SPAG1: variants seen among roughly 807,000 people sequenced by gnomAD.
The protein encoded by SPAG1 is sperm associated antigen 1.
A neutral mutation model predicts 100.5 loss-of-function variants in SPAG1; 69 were observed. The observed-to-expected ratio is 0.69, with a 90% CI of 0.57 to 0.84. The LOEUF (loss-of-function observed/expected upper bound fraction) is 0.84. Ranked by LOEUF, SPAG1 falls within the 40% of genes least tolerant of loss-of-function variation. The pLI is 0.00. For synonymous variants in SPAG1, 336 were observed against 411.6 expected (o/e 0.82, Z 2.22); for missense variants, 955 against 1,133.1 (o/e 0.84, Z 2.26).
chr8:100,170,845 A>ATTTATTTATTTT (rs1554649520), intron 3 of SPAG1, among the ~76,000 whole-genome samples: 14 of 131,284 alleles, frequency 1.1e-4, no homozygotes, highest in African/African-American at 4.4e-4. Flanking sequence ...TTATTTATTT[A>ATTTATTTATTTT]TTTATTTTTT....
chr8:100,220,497 C>A, intron 13 of SPAG1, 66 bp downstream of exon 13: 1 of 1,320,356 alleles, frequency 7.6e-7, no homozygotes, highest in Non-Finnish European at 1.0e-6. Flanking sequence ...TCCCCTCCTT[C>A]AAGAACATGT....
At chr8:100,234,417 T>C (rs1439652625) in intron 16 of SPAG1, among the ~76,000 whole-genome samples, 3 of 152,148 alleles carry the variant, frequency 2.0e-5, no homozygotes, top group Non-Finnish European at 4.4e-5. Flanking sequence ...GTACAATAAA[T>C]CTTCCTCCCT....
chr8:100,233,223 G>A, intron 15 of SPAG1, 188 bp from the exon 16 acceptor site: 1 of 564,446 alleles, frequency 1.8e-6, no homozygotes, highest in Non-Finnish European at 3.2e-6. Flanking sequence ...CTTGAGGGCT[G>A]TGACTGTATT....
intron 10 of SPAG1, chr8:100,194,545 C>T: frequency 3.8e-6 from 2 of 527,336 alleles, no homozygotes; most frequent in Non-Finnish European, 6.6e-6. Context: ...TTGACACAGA[C>T]CATTTGCCAG....
chr8:100,230,683 G>T (rs1231380329), intron 14 of SPAG1, among the ~76,000 whole-genome samples: 1 of 152,188 alleles, frequency 6.6e-6, no homozygotes, highest in Non-Finnish European at 1.5e-5. Flanking sequence ...GAGTGCAACG[G>T]CATGATCTTG....
chr8:100,236,867 G>A (rs1819030042), intron 16 of SPAG1, among the ~76,000 whole-genome samples: 2 of 152,054 alleles, frequency 1.3e-5, no homozygotes, highest in Non-Finnish European at 2.9e-5. Flanking sequence ...TGCTGTAGAG[G>A]ATGATACATA....
chr8:100,168,676 T>C (rs565167472), intron 3 of SPAG1, among the ~76,000 whole-genome samples: 9 of 149,264 alleles, frequency 6.0e-5, no homozygotes, highest in Non-Finnish European at 1.2e-4. Flanking sequence ...TGAGCCACCA[T>C]GCCCAGCCAT....
intron 3 of SPAG1, among the ~76,000 whole-genome samples, chr8:100,172,051 C>G (rs1264119825): frequency 6.6e-6 from 1 of 152,004 alleles, no homozygotes; most frequent in Admixed American, 6.6e-5. Flanking sequence ...CGTGCCACCG[C>G]GCCCAGCTAA....
chr8:100,177,731 A>G (rs1816189573), intron 3 of SPAG1, 85 bp from the exon 4 acceptor site: 2 of 763,032 alleles, frequency 2.6e-6, no homozygotes, highest in Non-Finnish European at 2.0e-6. Context: ...TCAAACTTAT[A>G]TTGTTCAAGG....
At chr8:100,231,348 TTTAAG>T (rs1321888562) in intron 15 of SPAG1, 60 bp downstream of exon 15, 6 of 1,164,334 alleles carry the variant, frequency 5.2e-6, no homozygotes, top group African/African-American at 4.8e-5. Context: ...TTAAAAATAT[TTTAAG>T]TTATTTTATT....
intron 7 of SPAG1, among the ~76,000 whole-genome samples, chr8:100,186,893 C>G (rs1054372172): frequency 2.6e-5 from 4 of 152,066 alleles, no homozygotes; most frequent in African/African-American, 7.2e-5. Flanking sequence ...TCTGGGCCCC[C>G]TCTCATGACT....
intron 12 of SPAG1, 101 bp downstream of exon 12, chr8:100,214,019 C>A: frequency 1.6e-6 from 1 of 625,350 alleles, no homozygotes; most frequent in East Asian, 2.7e-5. Context: ...GATCTAATTT[C>A]TTAAGAGCTT....
At chr8:100,164,028 A>G (rs994208434) in intron 2 of SPAG1, among the ~76,000 whole-genome samples, 1 of 152,214 alleles carries the variant, frequency 6.6e-6, no homozygotes, top group Non-Finnish European at 1.5e-5. Flanking sequence ...AACAGACCTA[A>G]GAAAGAATGG....
Position 100,233,418 on chromosome 8 carries a change from T to C in SPAG1, c.1996T>C (p.Cys666Arg). 1 of 1,614,026 alleles carries C rather than the reference T, an allele frequency of 6.2e-7. No individual in the cohort carries two copies. The highest frequency in any genetic ancestry group is 1.1e-5 in the South Asian group (1 of 91,084). The change falls in exon 16 of 19, where the codon TGT becomes CGT. Residue 666 changes from cysteine (C) to arginine (R), a missense_variant. Coordinates refer to ENST00000388798, the MANE Select transcript of SPAG1 (RefSeq NM_003114.5). ...TCCATTGCATTATGCCAGAGCTCTC[T>C]GTTACTTGAAGCTGTGCCAGTTTGA... is the stretch of plus-strand genomic sequence containing the variant. ...ECAIYTNRAL[C>R]YLKLCQFEEA... is the part of the protein sequence containing the mutation.
intron 10 of SPAG1, among the ~76,000 whole-genome samples, chr8:100,206,719 C>A (rs1456522477): frequency 6.6e-6 from 1 of 151,994 alleles, no homozygotes; most frequent in African/African-American, 2.4e-5. Context: ...CTCCTACAAC[C>A]AAGAAAGAGA....
intron 3 of SPAG1, among the ~76,000 whole-genome samples, chr8:100,170,300 T>C (rs910193553): frequency 6.6e-6 from 1 of 152,250 alleles, no homozygotes; most frequent in African/African-American, 2.4e-5. Context: ...CTCATGCTAT[T>C]ATAAATGTTA....
At chr8:100,232,286 G>A (rs535811787) in intron 15 of SPAG1, among the ~76,000 whole-genome samples, 3 of 152,010 alleles carry the variant, frequency 2.0e-5, no homozygotes, top group African/African-American at 4.8e-5. Flanking sequence ...CCTGGTTCTC[G>A]TCCTCTCCCT....
intron 16 of SPAG1, among the ~76,000 whole-genome samples, chr8:100,235,725 TG>T (rs1175704834): frequency 6.6e-6 from 1 of 152,132 alleles, no homozygotes; most frequent in Non-Finnish European, 1.5e-5. Context: ...CCACTCTGGC[TG>T]CAGTGCAGTC....
chr8:100,202,709 C>CA (rs750153561), intron 10 of SPAG1, among the ~76,000 whole-genome samples: 1,944 of 27,332 alleles, frequency 0.071, 436 homozygotes, highest in African/African-American at 0.22. Context: ...GACTCCGTCT[C>CA]AAAAAAAAAA....
Sources: gnomAD v4.1 joint callset for allele counts (sites outside exome capture counted in the v4.1 genomes callset) on GRCh38, gnomAD v4.1.1 for gene constraint, MANE v1.5 for transcripts, NCBI Gene and HGNC (gene_info 2026-07-23, HGNC 2026-07-21) for gene names.